RBPJ: variants seen among roughly 807,000 people sequenced by gnomAD.
RBPJ encodes recombination signal binding protein for immunoglobulin kappa J region, also known as recombining binding protein suppressor of hairless.
Under a neutral mutation model 67.8 loss-of-function variants are expected in RBPJ, and 9 were observed. The ratio of observed to expected loss-of-function variants is 0.13; its 90% CI spans 0.08 to 0.23. The LOEUF (loss-of-function observed/expected upper bound fraction) is 0.23, where lower values mean the gene tolerates loss of function less well. Ranked by LOEUF, RBPJ falls within the 10% of genes least tolerant of loss-of-function variation. RBPJ has a pLI of 1.00. For missense variants in RBPJ, 305 were observed against 595.6 expected, an observed-to-expected ratio of 0.51 and a Z score of 5.08; for synonymous variants, 198 against 203.3, an observed-to-expected ratio of 0.97 and a Z score of 0.22.
intron 1 of RBPJ, among the ~76,000 whole-genome samples, chr4:26,186,526 C>T (rs368286562): frequency 7.2e-5 from 11 of 152,258 alleles, no homozygotes; most frequent in African/African-American, 2.2e-4. Context: ...CCCAACCACT[C>T]TCTTTCTTGC....
At chr4:26,116,428 C>T in the RBPJ span, among the ~76,000 whole-genome samples, 2 of 152,192 alleles carry the variant, frequency 1.3e-5, no homozygotes, top group Non-Finnish European at 2.9e-5. Context: ...GCAGCATGTT[C>T]ACACACTATT....
chr4:26,116,117 T>C, the RBPJ span, among the ~76,000 whole-genome samples: 1 of 152,230 alleles, frequency 6.6e-6, no homozygotes, highest in Non-Finnish European at 1.5e-5. Context: ...TCTCATTCAA[T>C]AAAATTGACC....
chr4:26,214,744 GAGAA>G (rs1191777776), intron 1 of RBPJ, among the ~76,000 whole-genome samples: 1 of 67,618 alleles, frequency 1.5e-5, no homozygotes, highest in Non-Finnish European at 2.7e-5. Flanking sequence ...GGAAGAGAGA[GAGAA>G]AGAGAAAAAG....
intron 1 of RBPJ, among the ~76,000 whole-genome samples, chr4:26,334,370 T>C (rs1724583417): frequency 6.6e-6 from 1 of 152,142 alleles, no homozygotes; most frequent in Non-Finnish European, 1.5e-5. Context: ...TTTTCTTTTT[T>C]TTTTTCTAAT....
At chr4:26,344,510 C>T (rs908590023) in intron 1 of RBPJ, among the ~76,000 whole-genome samples, 1 of 152,240 alleles carries the variant, frequency 6.6e-6, no homozygotes, top group African/African-American at 2.4e-5. Context: ...GCTGGGATTA[C>T]AGGCGTGAGC....
intron 1 of RBPJ, among the ~76,000 whole-genome samples, chr4:26,240,917 G>A (rs1351443400): frequency 6.6e-6 from 1 of 152,100 alleles, no homozygotes; most frequent in Non-Finnish European, 1.5e-5. Context: ...ACAAAGTGGG[G>A]TGCAGAAAGC....
chr4:26,105,613 C>G, the RBPJ span, among the ~76,000 whole-genome samples: 2 of 152,132 alleles, frequency 1.3e-5, no homozygotes, highest in South Asian at 4.1e-4. Context: ...TCCAGTGGAA[C>G]TGGACTAGCT....
chr4:26,191,929 G>T (rs912838687), intron 1 of RBPJ, among the ~76,000 whole-genome samples: 1 of 152,088 alleles, frequency 6.6e-6, no homozygotes, highest in African/African-American at 2.4e-5. Context: ...CCTTTCTAGG[G>T]ATACCAATCT....
intron 1 of RBPJ, among the ~76,000 whole-genome samples, chr4:26,292,364 G>T (rs1264987018): frequency 6.7e-6 from 1 of 150,300 alleles, no homozygotes; most frequent in Non-Finnish European, 1.5e-5. Flanking sequence ...ATGGCCTCAA[G>T]TTGCATCCAT....
At chr4:26,135,569 G>A in the RBPJ span, among the ~76,000 whole-genome samples, 1 of 151,946 alleles carries the variant, frequency 6.6e-6, no homozygotes, top group Non-Finnish European at 1.5e-5. Flanking sequence ...GAACCCAAGT[G>A]GCTTGACCTT....
At chr4:26,252,080 GTT>G (rs567577696) in intron 1 of RBPJ, among the ~76,000 whole-genome samples, 1 of 140,174 alleles carries the variant, frequency 7.1e-6, no homozygotes, top group African/African-American at 2.6e-5. Flanking sequence ...GTTTTAACTA[GTT>G]TTTTTTTTTT....
At chr4:26,306,107 C>G (rs13144133) in intron 1 of RBPJ, among the ~76,000 whole-genome samples, 100,211 of 151,778 alleles carry the variant, frequency 0.66, 33,307 homozygotes, top group African/African-American at 0.72. Context: ...TTTTCTATGC[C>G]TAAGATCATG....
At chr4:26,148,927 A>T in the RBPJ span, among the ~76,000 whole-genome samples, 3 of 152,234 alleles carry the variant, frequency 2.0e-5, no homozygotes, top group Non-Finnish European at 4.4e-5. Flanking sequence ...TGAGAAATTT[A>T]CTTATCTTTC....
chr4:26,175,960 A>G (rs1221932605), intron 1 of RBPJ, among the ~76,000 whole-genome samples: 1 of 152,208 alleles, frequency 6.6e-6, no homozygotes, highest in Non-Finnish European at 1.5e-5. Context: ...AAAGGTGTGG[A>G]GAAAAGTGAA....
intron 5 of RBPJ, among the ~76,000 whole-genome samples, chr4:26,421,205 G>C (rs1735104745): frequency 1.3e-5 from 2 of 152,094 alleles, no homozygotes. Flanking sequence ...AGAGACTGCT[G>C]TCTCATCAGC....
chr4:26,121,625 C>T, the RBPJ span, among the ~76,000 whole-genome samples: 11 of 152,062 alleles, frequency 7.2e-5, no homozygotes, highest in African/African-American at 2.7e-4. Context: ...ACCTACACTT[C>T]AGTTTTCAAC....
At chr4:26,188,569 G>C (rs1717362218) in intron 1 of RBPJ, among the ~76,000 whole-genome samples, 1 of 152,158 alleles carries the variant, frequency 6.6e-6, no homozygotes, top group Non-Finnish European at 1.5e-5. Context: ...ATCTTTTGTA[G>C]TAGAACTACA....
Position 26,430,036 on chromosome 4 carries a change from G to A in RBPJ, c.1027G>A (p.Val343Met). Reference sequence around the variant, plus strand: ...CCTTGCCCCAGTCACTCCTGTGCCTGTGGTAGAGAGCCTTCAGGTGAGAAC... The same window carrying A: ...CCTTGCCCCAGTCACTCCTGTGCCTATGGTAGAGAGCCTTCAGGTGAGAAC... Reference protein sequence around the residue: ...PVLAPVTPVPVVESLQLNGGG... With the variant: ...PVLAPVTPVPMVESLQLNGGG... The change falls in exon 9 of 11, where the codon GTG (valine) becomes ATG (methionine). Residue 343 changes from valine (V) to methionine (M), a missense_variant. By Grantham distance (21) the Val-to-Met change is conservative (BLOSUM62 1). This residue lies in a region of RBPJ where 16 missense variants were observed against 17.1 expected (regional missense o/e 0.94). Coordinates refer to ENST00000355476, the MANE Select transcript of RBPJ (RefSeq NM_015874.6). This position sits in a 1 kb window ranked among gnomAD's most constrained non-coding sequence, Gnocchi z 4.1. 1 of 1,614,120 alleles carries A rather than the reference G, an allele frequency of 6.2e-7. No individual in the cohort carries two copies. The highest frequency in any genetic ancestry group is 8.5e-7 in the Non-Finnish European group (1 of 1,179,990).
intron 1 of RBPJ, among the ~76,000 whole-genome samples, chr4:26,281,820 T>C (rs1721282550): frequency 6.6e-6 from 1 of 152,254 alleles, no homozygotes; most frequent in Non-Finnish European, 1.5e-5. Context: ...ACTGGAGTTC[T>C]AATTCCTTGA....
Sources: gnomAD v4.1 joint callset for allele counts (sites outside exome capture counted in the v4.1 genomes callset) on GRCh38, gnomAD v4.1.1 for gene constraint, gnomAD v4.1.1 regional missense constraint, Gnocchi (gnomAD v3.1) non-coding constraint, MANE v1.5 for transcripts, NCBI Gene and HGNC (gene_info 2026-07-23, HGNC 2026-07-21) for gene names.